NR2C2: variants seen among roughly 807,000 people sequenced by gnomAD.
NR2C2 encodes the protein nuclear receptor subfamily 2 group C member 2, also known as Nuclear hormone receptor TR4.
NR2C2 carries 6 observed loss-of-function variants against 62.9 expected under a neutral mutation model. The ratio of observed to expected loss-of-function variants is 0.10; its 90% confidence interval spans 0.05 to 0.19. NR2C2 has a LOEUF of 0.19. Ranked by LOEUF, NR2C2 falls within the 10% of genes least tolerant of loss-of-function variation. NR2C2 has a pLI of 1.00. For synonymous variants in NR2C2, 272 were observed against 273.8 expected (o/e 0.99, Z 0.07); for missense variants, 479 against 762.7 (o/e 0.63, Z 4.38).
At chr3:15,017,294 C>G in intron 4 of NR2C2, among the ~76,000 whole-genome samples, 1 of 152,146 alleles carries the variant, frequency 6.6e-6, no homozygotes. Flanking sequence ...CCATCCTATC[C>G]CTTCTCTGAA....
intron 1 of NR2C2, among the ~76,000 whole-genome samples, chr3:14,958,674 T>G (rs116130753): frequency 0.016 from 2,462 of 152,322 alleles, 68 homozygotes; most frequent in African/African-American, 0.054. Flanking sequence ...ATAGGATTTT[T>G]TTGTTGTTGT....
intron 1 of NR2C2, chr3:14,959,276 C>T (rs1241852597): frequency 6.6e-6 from 1 of 152,182 alleles, no homozygotes; most frequent in Non-Finnish European, 1.5e-5. Flanking sequence ...CACTTCCTTA[C>T]ATTACTTGAA....
At chr3:14,998,828 T>C (rs915893985) in intron 1 of NR2C2, among the ~76,000 whole-genome samples, 1 of 151,192 alleles carries the variant, frequency 6.6e-6, no homozygotes, top group Non-Finnish European at 1.5e-5. Context: ...CTGGGCAACA[T>C]AGGGAGACCT....
chr3:15,007,479 AC>A (rs1237738210), intron 2 of NR2C2, among the ~76,000 whole-genome samples: 1 of 152,162 alleles, frequency 6.6e-6, no homozygotes, highest in Non-Finnish European at 1.5e-5. Context: ...GGTTACCCCA[AC>A]CTGATCTTTT....
chr3:15,000,117 A>AG (rs55843621), intron 1 of NR2C2, among the ~76,000 whole-genome samples: 1 of 152,142 alleles, frequency 6.6e-6, no homozygotes, highest in African/African-American at 2.4e-5. Flanking sequence ...CTAAAAAAAA[A>AG]GAAAAGTATT....
chr3:14,957,580 T>TA (rs1352058540), intron 1 of NR2C2, among the ~76,000 whole-genome samples: 2 of 152,184 alleles, frequency 1.3e-5, no homozygotes, highest in Non-Finnish European at 2.9e-5. Context: ...TGGTCTGTAT[T>TA]ACAATTTTTT....
chr3:14,967,075 A>T lies in NR2C2; in HGVS notation c.-40+19169A>T, dbSNP rs182593464. On this transcript the variant is annotated intron_variant, in intron 1 of 13. Transcript: ENST00000425241. Reference sequence around the variant, plus strand: ...TGTTCATATTGTCCATTTCTTCTTGAGTCAGTTTCAGTAATTTGTCTTTTT... The same window carrying T: ...TGTTCATATTGTCCATTTCTTCTTGTGTCAGTTTCAGTAATTTGTCTTTTT... Among the ~76,000 whole-genome samples the T allele has an allele frequency of 2.7e-3, 408 of 152,140 alleles. 1 individual carries two copies. The highest frequency in any genetic ancestry group is 9.5e-3 in the African/African-American group (394 of 41,512).
chr3:15,039,873 G>A (rs1262886082), intron 13 of NR2C2, among the ~76,000 whole-genome samples: 2 of 152,218 alleles, frequency 1.3e-5, no homozygotes, highest in East Asian at 3.9e-4. Context: ...AATTAGGACC[G>A]GGCACGGTGG....
chr3:15,039,327 C>T, intron 13 of NR2C2, 100 bp downstream of exon 13: 1 of 780,086 alleles, frequency 1.3e-6, no homozygotes, highest in Admixed American at 2.2e-5. Flanking sequence ...CCATTTTTAG[C>T]AGCCTGATAG....
chr3:14,950,168 T>C (rs575521454), intron 1 of NR2C2, among the ~76,000 whole-genome samples: 2 of 152,362 alleles, frequency 1.3e-5, no homozygotes, highest in South Asian at 4.1e-4. Context: ...AATGAAATTT[T>C]TATGCAGTGT....
chr3:14,975,047 G>A (rs1025642803), intron 1 of NR2C2, among the ~76,000 whole-genome samples: 1 of 152,184 alleles, frequency 6.6e-6, no homozygotes, highest in Admixed American at 6.5e-5. Context: ...GATGTGCATT[G>A]TTAGTGTATA....
intron 4 of NR2C2, 148 bp downstream of exon 4, chr3:15,016,402 A>G (rs529557422): frequency 2.1e-4 from 127 of 591,150 alleles, no homozygotes; most frequent in Non-Finnish European, 3.6e-4. Flanking sequence ...TATTGGGGTA[A>G]TGATGTAAAT....
intron 1 of NR2C2, chr3:14,948,544 G>GCGGGGCGGGAGTAGAGGC (rs2039220280): frequency 2.0e-5 from 3 of 152,232 alleles, no homozygotes; most frequent in Admixed American, 1.3e-4. Context: ...GGGAGCCCTG[G>GCGGGGCGGGAGTAGAGGC]CGGGGCGGGA....
At chr3:14,960,597 CAAT>C (rs1014788177) in intron 1 of NR2C2, among the ~76,000 whole-genome samples, 2 of 152,132 alleles carry the variant, frequency 1.3e-5, no homozygotes, top group African/African-American at 2.4e-5. Context: ...CTATACTATT[CAAT>C]AATATTTTCC....
At chr3:15,019,119 G>A (rs759373431) in intron 4 of NR2C2, among the ~76,000 whole-genome samples, 2 of 150,966 alleles carry the variant, frequency 1.3e-5, no homozygotes, top group South Asian at 2.1e-4. Flanking sequence ...CCAGCTACTC[G>A]GGAGGCTGAG....
At chr3:14,949,990 A>C (rs1311725826) in intron 1 of NR2C2, among the ~76,000 whole-genome samples, 1 of 152,200 alleles carries the variant, frequency 6.6e-6, no homozygotes, top group Non-Finnish European at 1.5e-5. Flanking sequence ...CACTGTCCTC[A>C]TCTGGACAAT....
chr3:14,984,045 C>T (rs896320336), intron 1 of NR2C2, among the ~76,000 whole-genome samples: 21 of 151,820 alleles, frequency 1.4e-4, no homozygotes, highest in Non-Finnish European at 2.6e-4. Flanking sequence ...TGAGCCACCA[C>T]GCCTGGCTAA....
rs929925128 is a variant in NR2C2 at position 15,046,898 on chromosome 3, C to T, written c.*3890C>T. The T allele has an allele frequency of 6.6e-6, 1 of 152,636 alleles. No homozygotes were observed. Among genetic ancestry groups the T allele is most frequent in the Non-Finnish European group, 1.5e-5 (1 of 68,048 alleles). 9.5% of individuals were successfully genotyped at this position (152,636 alleles called of 1,614,324 possible). A position where few individuals can be genotyped will look rare whatever the true frequency, so the allele number is the denominator to read the frequency against. On this transcript the variant is annotated 3_prime_UTR_variant, in exon 14 of 14. Coordinates refer to ENST00000425241, the MANE Select transcript of NR2C2 (RefSeq NM_001291694.2). Reference sequence around the variant, plus strand: ...CTTTGATGTAAATTTTTAAAGCCAACCCCTCATCAAGACAGGGTTGGTTTG... The same window carrying T: ...CTTTGATGTAAATTTTTAAAGCCAATCCCTCATCAAGACAGGGTTGGTTTG...
At chr3:14,972,756 G>A (rs2040082124) in intron 1 of NR2C2, among the ~76,000 whole-genome samples, 1 of 152,124 alleles carries the variant, frequency 6.6e-6, no homozygotes, top group Admixed American at 6.6e-5. Flanking sequence ...CTTCTGGGGA[G>A]GCCTCAGAGA....
Sources: allele counts gnomAD v4.1 joint callset (sites outside exome capture counted in the v4.1 genomes callset), GRCh38; gene constraint gnomAD v4.1.1; transcripts MANE v1.5; gene names NCBI Gene and HGNC (gene_info 2026-07-23, HGNC 2026-07-21).